Variants in LHFPL4 observed in about 807,000 individuals in gnomAD.
LHFPL4 encodes the protein LHFPL tetraspan subfamily member 4, also known as LHFPL tetraspan subfamily member 4 protein.
Under a neutral mutation model 20.0 loss-of-function variants are expected in LHFPL4, and 6 were observed. The observed-to-expected ratio is 0.30, with a 90% confidence interval of 0.16 to 0.59. The LOEUF (loss-of-function observed/expected upper bound fraction) is 0.59. Among genes scored for constraint, LHFPL4 ranks in the 20% least tolerant of loss-of-function variants. The probability of loss-of-function intolerance (pLI) is 0.88; values close to 1 mark genes in which losing one functional copy is unlikely to be tolerated. For synonymous variants in LHFPL4, 129 were observed against 143.8 expected (o/e 0.90, Z 0.74); for missense variants, 215 against 331.2 (o/e 0.65, Z 2.72).
chr3:9,528,989 C>A (rs940926895), intron 2 of LHFPL4, among the ~76,000 whole-genome samples: 3 of 151,222 alleles, frequency 2.0e-5, no homozygotes, highest in Non-Finnish European at 4.4e-5. Flanking sequence ...ACGATCTTGG[C>A]TCACTGCAAC....
rs140803682 is a variant in LHFPL4 at position 9,535,760 on chromosome 3, A to AGCTTGCTTGCTC, written c.406+16502_406+16513dup. 2.3e-4 allele frequency among the ~76,000 whole-genome samples: 35 copies of AGCTTGCTTGCTC among 152,180 alleles called. No homozygotes were observed. The East Asian group carries it at 6.8e-3, about 29-fold the overall frequency. ...TGATTTCTGTCCACATTGGGGCCAC[A>AGCTTGCTTGCTC]GCTTGCTTGCTCGCTTGCTTGCTTT... is the stretch of plus-strand genomic sequence containing the variant. On this transcript the variant is annotated intron_variant, in intron 2 of 3. Transcript: ENST00000287585.
chr3:9,535,208 G>A (rs1347860305), intron 2 of LHFPL4, among the ~76,000 whole-genome samples: 1 of 152,186 alleles, frequency 6.6e-6, no homozygotes, highest in African/African-American at 2.4e-5. Context: ...TGGGAAAAAT[G>A]TTCACACAGT....
chr3:9,540,621 T>C (rs1386522894), intron 2 of LHFPL4, among the ~76,000 whole-genome samples: 1 of 152,048 alleles, frequency 6.6e-6, no homozygotes, highest in African/African-American at 2.4e-5. Flanking sequence ...GGGTTGGTCA[T>C]AGTGGCTCAT....
intron 2 of LHFPL4, among the ~76,000 whole-genome samples, chr3:9,516,127 C>G (rs2046299499): frequency 1.3e-5 from 2 of 152,158 alleles, no homozygotes; most frequent in African/African-American, 4.8e-5. Context: ...AGCTTACCAA[C>G]AATTGGGCCT....
intron 2 of LHFPL4, among the ~76,000 whole-genome samples, chr3:9,531,452 C>A (rs952778829): frequency 2.0e-5 from 3 of 152,140 alleles, no homozygotes; most frequent in African/African-American, 7.2e-5. Context: ...TGACGGTTAC[C>A]TCTGAGAAGT....
rs186589325 is a variant in LHFPL4 at position 9,499,235 on chromosome 3, A to G, written c.*2976T>C. 10 of 152,338 alleles carry G rather than the reference A, an allele frequency of 6.6e-5. No individual in the cohort carries two copies. The highest frequency in any genetic ancestry group is 2.4e-4 in the African/African-American group (10 of 41,522). 9.4% of individuals were successfully genotyped at this position (152,338 alleles called of 1,614,324 possible). ...GATCGCCCGACGAGAGCAGAGGCAA[A>G]CCACAAAGCCCCCTTCCCATGATGT... On this transcript the variant is annotated 3_prime_UTR_variant, in exon 4 of 4. Coordinates refer to ENST00000287585, the MANE Select transcript of LHFPL4 (RefSeq NM_198560.3).
chr3:9,548,270 A>C (rs2046530229), intron 2 of LHFPL4, among the ~76,000 whole-genome samples: 1 of 152,228 alleles, frequency 6.6e-6, no homozygotes. Flanking sequence ...TGTGAGTATC[A>C]AATTATATAA....
At chr3:9,541,425 C>G (rs1279385535) in intron 2 of LHFPL4, among the ~76,000 whole-genome samples, 1 of 152,116 alleles carries the variant, frequency 6.6e-6, no homozygotes, top group Admixed American at 6.6e-5. Flanking sequence ...TAGCCACATG[C>G]AAAAGAATGA....
intron 2 of LHFPL4, among the ~76,000 whole-genome samples, chr3:9,512,452 A>G (rs991753968): frequency 1.3e-5 from 2 of 152,220 alleles, no homozygotes; most frequent in Admixed American, 6.5e-5. Flanking sequence ...CTTTTTCTAG[A>G]TATTCAAAAA....
intron 2 of LHFPL4, among the ~76,000 whole-genome samples, chr3:9,544,537 A>C (rs567903541): frequency 1.3e-5 from 2 of 152,254 alleles, no homozygotes; most frequent in East Asian, 3.9e-4. Context: ...AAGCAGGAGA[A>C]TTGCGTGAAC....
rs1553647114 is a variant in LHFPL4, at chr3:9,518,925, G to GTTTGTTTA, written c.407-12723_407-12722insTAAACAAA. ...TGCACCACCACATTGGCTAATTTTT[G>GTTTGTTTA]TTTATTTATTTATTTATTTATTTAT... On this transcript the variant is annotated intron_variant, in intron 2 of 3. Coordinates refer to ENST00000287585, the MANE Select transcript of LHFPL4 (RefSeq NM_198560.3). Among the ~76,000 whole-genome samples the GTTTGTTTA allele has an allele frequency of 1.5e-3, 220 of 145,144 alleles. 1 individual carries two copies. Among genetic ancestry groups the GTTTGTTTA allele is most frequent in the African/African-American group, 4.1e-3 (164 of 39,646 alleles).
At chr3:9,531,288 A>C (rs986972204) in intron 2 of LHFPL4, among the ~76,000 whole-genome samples, 1 of 152,260 alleles carries the variant, frequency 6.6e-6, no homozygotes, top group Non-Finnish European at 1.5e-5. Flanking sequence ...TAGTTCCGAC[A>C]GACTTGATTG....
chr3:9,542,418 T>C (rs983777050), intron 2 of LHFPL4, among the ~76,000 whole-genome samples: 2 of 152,210 alleles, frequency 1.3e-5, no homozygotes, highest in African/African-American at 4.8e-5. Context: ...CAAGGGGATA[T>C]TATTCAGCCA....
intron 2 of LHFPL4, among the ~76,000 whole-genome samples, chr3:9,540,548 G>T (rs2046470767): frequency 6.6e-6 from 1 of 152,074 alleles, no homozygotes; most frequent in Non-Finnish European, 1.5e-5. Context: ...GAAGAACAAA[G>T]TTGGAGGACT....
At chr3:9,505,631 AGCCAGGATG>A (rs975737532) in intron 3 of LHFPL4, among the ~76,000 whole-genome samples, 14 of 152,064 alleles carry the variant, frequency 9.2e-5, no homozygotes, top group African/African-American at 3.4e-4. Context: ...TCACCGTGTT[AGCCAGGATG>A]GTCTGGATCT....
intron 2 of LHFPL4, among the ~76,000 whole-genome samples, chr3:9,509,053 G>T (rs183040243): frequency 6.6e-6 from 1 of 152,150 alleles, no homozygotes; most frequent in Non-Finnish European, 1.5e-5. Flanking sequence ...CCTGCATCCC[G>T]GCGCTCCCAG....
At chr3:9,510,436 CAA>C (rs34617447) in intron 2 of LHFPL4, among the ~76,000 whole-genome samples, 44 of 117,318 alleles carry the variant, frequency 3.8e-4, no homozygotes, top group East Asian at 5.1e-4. Flanking sequence ...GACATGGTTT[CAA>C]AAAAAAAAAA....
rs969348918 is a variant in LHFPL4, at chr3:9,532,169, G to A, written c.406+20105C>T. 1.1e-4 allele frequency among the ~76,000 whole-genome samples: 17 copies of A among 151,964 alleles called. 1 individual carries two copies. The highest frequency in any genetic ancestry group is 7.2e-4 in the Admixed American group (11 of 15,246). The stretch of plus-strand genomic sequence containing the variant: ...GCCTCCCGAGTAGCTGGGATTACAG[G>A]TGTGCACCACTACACCCAGCTAATT... On this transcript the variant is annotated intron_variant, in intron 2 of 3. Transcript: ENST00000287585.
intron 2 of LHFPL4, among the ~76,000 whole-genome samples, chr3:9,511,878 A>G (rs555697258): frequency 2.0e-5 from 3 of 149,718 alleles, no homozygotes; most frequent in Non-Finnish European, 3.0e-5. Flanking sequence ...TGGGAAACAC[A>G]CCCCAATTTG....
Sources: gnomAD v4.1 joint callset for allele counts (sites outside exome capture counted in the v4.1 genomes callset) on GRCh38, gnomAD v4.1.1 for gene constraint, MANE v1.5 for transcripts, NCBI Gene and HGNC (gene_info 2026-07-23, HGNC 2026-07-21) for gene names.